DOCK7: variants seen among roughly 807,000 people sequenced by gnomAD.
The protein encoded by DOCK7 is dedicator of cytokinesis 7.
A neutral mutation model predicts 271.0 loss-of-function variants in DOCK7; 138 were observed. That is an observed-to-expected ratio of 0.51 (90% CI 0.44 to 0.59). The LOEUF (loss-of-function observed/expected upper bound fraction) is 0.59. Among genes scored for constraint, DOCK7 ranks in the 20% least tolerant of loss-of-function variants. The pLI is 0.00. For synonymous variants in DOCK7, 823 were observed against 876.1 expected (o/e 0.94, Z 1.07); for missense variants, 2,066 against 2,592.4 (o/e 0.80, Z 4.41).
chr1:62,544,030 G>C (rs1457875427), intron 23 of DOCK7, among the ~76,000 whole-genome samples: 2 of 151,828 alleles, frequency 1.3e-5, no homozygotes, highest in Non-Finnish European at 2.9e-5. Context: ...TTATCTGTGT[G>C]ATCTATATAC....
At chr1:62,636,988 A>G (rs1417010008) in intron 7 of DOCK7, among the ~76,000 whole-genome samples, 2 of 152,222 alleles carry the variant, frequency 1.3e-5, no homozygotes, top group African/African-American at 4.8e-5. Flanking sequence ...TATAAATAAT[A>G]TATTCAATGC....
chr1:62,588,241 T>C (rs139257143), intron 14 of DOCK7, among the ~76,000 whole-genome samples: 53 of 152,304 alleles, frequency 3.5e-4, no homozygotes, highest in Non-Finnish European at 4.4e-4. Context: ...AGGCATTGTG[T>C]TGGGCACTAG....
chr1:62,492,714 G>A lies in DOCK7; in HGVS notation c.5351C>T (p.Ser1784Phe). Residue 1784 changes from serine to phenylalanine, a missense_variant, in exon 41 of 50, where the codon TCC (serine) becomes TTC (phenylalanine). Around this residue, in one of 2 missense-constraint regions of DOCK7, gnomAD observed 652 missense variants for 922.1 expected, o/e 0.71. Coordinates refer to ENST00000635253, the MANE Select transcript of DOCK7 (RefSeq NM_001367561.1). Reference sequence around the variant, plus strand: ...ACAAGAGTCATCTACCATAGAGAAGGAAGCAGCTGCTTGTTCCAGTAATCC... The same window carrying A: ...ACAAGAGTCATCTACCATAGAGAAGAAAGCAGCTGCTTGTTCCAGTAATCC... Reference protein sequence around the residue: ...LVGLLEQAAASFSMAGMYEAV... With the variant: ...LVGLLEQAAAFFSMAGMYEAV... 6.2e-7 allele frequency: 1 copy of A among 1,614,046 alleles called. No homozygotes were observed.
At chr1:62,551,120 C>A (rs1373945407) in intron 22 of DOCK7, among the ~76,000 whole-genome samples, 1 of 151,870 alleles carries the variant, frequency 6.6e-6, no homozygotes. Flanking sequence ...GTTGGAGGAT[C>A]AAGATTAGAG....
intron 31 of DOCK7, among the ~76,000 whole-genome samples, chr1:62,517,508 T>C (rs1052278884): frequency 6.6e-5 from 10 of 152,104 alleles, no homozygotes; most frequent in African/African-American, 2.4e-4. Flanking sequence ...GGCAGGAGAA[T>C]TGCTTGAACC....
Position 62,603,998 on chromosome 1 carries a change from T to C in DOCK7, c.1682+14708A>G, listed in dbSNP as rs747725081. On this transcript the variant is annotated intron_variant, in intron 14 of 49. Coordinates refer to ENST00000635253, the MANE Select transcript of DOCK7 (RefSeq NM_001367561.1). ...ATTTTGGTTGGGCCTAGAGAAGATATACTCCATAGTGAAGCAATCTAATTA... is the reference window on the plus strand; with the variant it reads ...ATTTTGGTTGGGCCTAGAGAAGATACACTCCATAGTGAAGCAATCTAATTA... 6.2e-6 allele frequency: 10 copies of C among 1,613,058 alleles called. No homozygotes were observed. In the East Asian group the frequency reaches 1.3e-4, roughly 22 times the overall value.
intron 48 of DOCK7, among the ~76,000 whole-genome samples, chr1:62,467,112 A>G (rs1406257283): frequency 6.6e-6 from 1 of 152,188 alleles, no homozygotes; most frequent in Non-Finnish European, 1.5e-5. Flanking sequence ...GAACATCACA[A>G]GTCTGGAAGG....
intron 11 of DOCK7, chr1:62,628,845 G>A (rs973842906): frequency 6.6e-6 from 1 of 151,828 alleles, no homozygotes; most frequent in Non-Finnish European, 1.5e-5. Flanking sequence ...ATGCCAAGAA[G>A]GTTAAAACCC....
chr1:62,478,362 C>T (rs532144405), intron 43 of DOCK7: 1 of 152,280 alleles, frequency 6.6e-6, no homozygotes, highest in East Asian at 1.9e-4. Context: ...CAAGACCCTC[C>T]AGAAGCACTA....
intron 14 of DOCK7, among the ~76,000 whole-genome samples, chr1:62,589,806 C>T (rs1252622237): frequency 3.3e-5 from 5 of 150,686 alleles, no homozygotes; most frequent in Admixed American, 3.3e-4. Context: ...GGCGTGAACC[C>T]GGTAGGCGGA....
intron 48 of DOCK7, among the ~76,000 whole-genome samples, chr1:62,462,456 G>A (rs915503749): frequency 2.6e-5 from 4 of 152,172 alleles, no homozygotes; most frequent in African/African-American, 9.7e-5. Flanking sequence ...GAGTACTGTA[G>A]GAGAATAAAG....
intron 14 of DOCK7, chr1:62,605,476 T>A (rs528086559): frequency 6.5e-6 from 1 of 152,720 alleles, no homozygotes; most frequent in African/African-American, 2.4e-5. Context: ...CTAAGTCACA[T>A]TGACTTTAAC....
intron 29 of DOCK7, among the ~76,000 whole-genome samples, chr1:62,530,299 C>A (rs1416742087): frequency 6.6e-6 from 1 of 152,204 alleles, no homozygotes; most frequent in African/African-American, 2.4e-5. Context: ...TTATAGCTCA[C>A]AAAGAGTCTT....
intron 38 of DOCK7, chr1:62,495,907 G>A: frequency 7.2e-6 from 3 of 416,454 alleles, no homozygotes; most frequent in Non-Finnish European, 1.2e-5. Context: ...TCTTTCACCT[G>A]GAAACAAGCA....
At chr1:62,553,352 ATATTTTTTTTTTTTTTTTTTTTT>A (rs1376345591) in intron 21 of DOCK7, among the ~76,000 whole-genome samples, 216 of 9,380 alleles carry the variant, frequency 0.023, 1 homozygote, top group Non-Finnish European at 0.025. Context: ...ATATATATAT[ATATTTTTTTTTTTTTTTTTTTTT>A]TTTTTTTTTT....
At chr1:62,532,015 C>T (rs1645189440) in intron 29 of DOCK7, among the ~76,000 whole-genome samples, 1 of 152,144 alleles carries the variant, frequency 6.6e-6, no homozygotes, top group South Asian at 2.1e-4. Flanking sequence ...AACAGGGTTA[C>T]ATGGCTGAGA....
intron 1 of DOCK7, among the ~76,000 whole-genome samples, chr1:62,681,935 G>C (rs1443329742): frequency 6.6e-6 from 1 of 151,992 alleles, no homozygotes; most frequent in African/African-American, 2.4e-5. Flanking sequence ...ATTCACAGAT[G>C]GTAACATTAA....
At chr1:62,545,527 C>A (rs1038636946) in intron 22 of DOCK7, among the ~76,000 whole-genome samples, 6 of 152,026 alleles carry the variant, frequency 3.9e-5, no homozygotes, top group African/African-American at 1.4e-4. Flanking sequence ...CTTGCTACCA[C>A]CTTCACTCTC....
rs371032042 is a variant in DOCK7 at position 62,472,813 on chromosome 1, C to T, written c.6212+1169G>A. On this transcript the variant is annotated intron_variant, in intron 48 of 49. Coordinates refer to ENST00000635253, the MANE Select transcript of DOCK7 (RefSeq NM_001367561.1). ...CTTCTGAGAGTCTAGAATTTTGGTA[C>T]ATCTCAGAGAGAGAGTGCCTACATG... is the stretch of plus-strand genomic sequence containing the variant. 7.2e-5 allele frequency among the ~76,000 whole-genome samples: 11 copies of T among 152,302 alleles called. No homozygotes were observed. The South Asian group carries it at 1.9e-3, about 26-fold the overall frequency.
Sources: gnomAD v4.1 joint callset for allele counts (sites outside exome capture counted in the v4.1 genomes callset) on GRCh38, gnomAD v4.1.1 for gene constraint, gnomAD v4.1.1 regional missense constraint, MANE v1.5 for transcripts, NCBI Gene and HGNC (gene_info 2026-07-23, HGNC 2026-07-21) for gene names.